Variants in ZNF516 observed in about 807,000 individuals in gnomAD.
The protein encoded by ZNF516 is zinc finger protein 516.
Under a neutral mutation model 79.7 loss-of-function variants are expected in ZNF516, and 19 were observed. That is an observed-to-expected ratio of 0.24 (90% CI 0.17 to 0.35). The LOEUF (loss-of-function observed/expected upper bound fraction) is 0.35, where lower values mean the gene tolerates loss of function less well. Among genes scored for constraint, ZNF516 ranks in the 10% least tolerant of loss-of-function variants. The probability of loss-of-function intolerance (pLI) is 1.00; values close to 1 mark genes in which losing one functional copy is unlikely to be tolerated. For missense variants in ZNF516, 1,678 were observed against 1,679.5 expected (o/e 1.00, Z 0.02); for synonymous variants, 877 against 739.5 (o/e 1.19, Z -3.02).
intron 2 of ZNF516, among the ~76,000 whole-genome samples, chr18:76,457,741 A>G (rs1912816358): frequency 6.6e-6 from 1 of 152,150 alleles, no homozygotes; most frequent in Non-Finnish European, 1.5e-5. Context: ...AAAGAGTGAT[A>G]TGGGGGCAAC....
intron 6 of ZNF516, among the ~76,000 whole-genome samples, chr18:76,369,681 G>A (rs1035747591): frequency 1.1e-4 from 16 of 152,268 alleles, no homozygotes; most frequent in Admixed American, 3.9e-4. Flanking sequence ...ATATTTCAGC[G>A]CAGGGACACA....
At chr18:76,390,088 G>A (rs1456521138) in intron 3 of ZNF516, among the ~76,000 whole-genome samples, 1 of 152,146 alleles carries the variant, frequency 6.6e-6, no homozygotes, top group Non-Finnish European at 1.5e-5. Flanking sequence ...TTGAGTAACT[G>A]GGCTCTTCCT....
chr18:76,376,283 T>G (rs2074785437), intron 4 of ZNF516, among the ~76,000 whole-genome samples: 1 of 152,098 alleles, frequency 6.6e-6, no homozygotes, highest in Non-Finnish European at 1.5e-5. Context: ...CAGGCTGACC[T>G]CAGGTACTCT....
chr18:76,385,782 C>CCCG (rs1555698697), intron 3 of ZNF516: 1 of 151,402 alleles, frequency 6.6e-6, no homozygotes, highest in African/African-American at 2.4e-5. Context: ...CACTGCCCCC[C>CCCG]CCCCGGGAGC....
Position 76,442,706 on chromosome 18 carries a change from G to C in ZNF516, c.349C>G (p.Pro117Ala). 1 of 1,581,210 alleles carries C rather than the reference G, an allele frequency of 6.3e-7. No homozygotes were observed. Among genetic ancestry groups the C allele is most frequent in the African/African-American group, 1.3e-5 (1 of 74,232 alleles). The part of the protein sequence containing the change: ...ASEGLDACAS[P>A]TKSASACNRL... Reference sequence around the variant, plus strand: ...TTGCAGGCCGAGGCGCTCTTGGTGGGGCTGGCGCAGGCGTCCAGGCCCTCG... The same window carrying C: ...TTGCAGGCCGAGGCGCTCTTGGTGGCGCTGGCGCAGGCGTCCAGGCCCTCG... Residue 117 changes from proline to alanine, a missense_variant, in exon 3 of 7, where the codon CCC (proline) becomes GCC (alanine). Transcript: ENST00000443185.
chr18:76,421,519 T>C (rs2075507675), intron 3 of ZNF516, among the ~76,000 whole-genome samples: 1 of 152,192 alleles, frequency 6.6e-6, no homozygotes. Context: ...TTTGCAAAGC[T>C]GCCACCGGGT....
At chr18:76,421,225 T>C (rs1419322173) in intron 3 of ZNF516, among the ~76,000 whole-genome samples, 4 of 152,152 alleles carry the variant, frequency 2.6e-5, no homozygotes, top group African/African-American at 4.8e-5. Flanking sequence ...CTGGTGCATA[T>C]TGGAAAAGGG....
chr18:76,438,606 G>C (rs1408880315), intron 3 of ZNF516, among the ~76,000 whole-genome samples: 1 of 151,988 alleles, frequency 6.6e-6, no homozygotes, highest in Non-Finnish European at 1.5e-5. Context: ...GTCTTATGTG[G>C]GGATAAAAGT....
intron 3 of ZNF516, among the ~76,000 whole-genome samples, chr18:76,403,092 T>C (rs1264609825): frequency 6.6e-6 from 1 of 152,210 alleles, no homozygotes; most frequent in Non-Finnish European, 1.5e-5. Flanking sequence ...ATTTCCATTA[T>C]CATCAATGGC....
intron 1 of ZNF516, among the ~76,000 whole-genome samples, chr18:76,477,882 T>C (rs559395816): frequency 4.6e-5 from 7 of 152,178 alleles, no homozygotes; most frequent in African/African-American, 1.7e-4. Context: ...TTGCTTTGAG[T>C]TACTTCACTC....
In ZNF516 at chr18:76,442,007, A is replaced by G. The variant is rs1224757699; in HGVS notation, c.1048T>C (p.Leu350=). 2.5e-6 allele frequency: 4 copies of G among 1,613,600 alleles called. No individual in the cohort carries two copies. The highest frequency in any genetic ancestry group is 1.7e-5 in the Admixed American group (1 of 60,006). ...CGGTGGATGGCATTGTGGGCGTTCA[A>G]GCTGTCCAGGTTTGTAAACAGGTTC... ...CGNLFTNLDS[L]NAHNAIHRRV... Residue 350 remains leucine (L), a synonymous_variant, in exon 3 of 7, where the codon TTG becomes CTG. Transcript: ENST00000443185.
At chr18:76,485,609 G>C (rs182039707) in intron 1 of ZNF516, among the ~76,000 whole-genome samples, 143 of 152,220 alleles carry the variant, frequency 9.4e-4, no homozygotes, top group African/African-American at 3.3e-3. Flanking sequence ...GTGTCGACTC[G>C]ACAGCCATAC....
intron 1 of ZNF516, chr18:76,487,906 T>C (rs1914922859): frequency 5.1e-6 from 5 of 984,160 alleles, no homozygotes; most frequent in Non-Finnish European, 6.0e-6. Flanking sequence ...GGACTGAGGA[T>C]GAGAGCCCCC....
intron 1 of ZNF516, among the ~76,000 whole-genome samples, chr18:76,468,509 C>T (rs1375620781): frequency 4.0e-5 from 6 of 151,384 alleles, no homozygotes; most frequent in Admixed American, 1.3e-4. Flanking sequence ...CTCGGCCTTC[C>T]GGGCTCAAGC....
intron 3 of ZNF516, among the ~76,000 whole-genome samples, chr18:76,411,270 C>T (rs567588982): frequency 1.3e-5 from 2 of 152,292 alleles, no homozygotes; most frequent in African/African-American, 4.8e-5. Context: ...GTGTACCTTT[C>T]GCAATACCCC....
At chr18:76,453,985 TAAG>T in intron 2 of ZNF516, among the ~76,000 whole-genome samples, 1 of 152,228 alleles carries the variant, frequency 6.6e-6, no homozygotes, top group Non-Finnish European at 1.5e-5. Flanking sequence ...TCTCCCAGTA[TAAG>T]AATACAGATT....
chr18:76,491,213 C>T (rs373503309), intron 1 of ZNF516, among the ~76,000 whole-genome samples: 149 of 150,876 alleles, frequency 9.9e-4, no homozygotes, highest in African/African-American at 3.5e-3. Context: ...CGCGCGGACC[C>T]CCGCCTGCCC....
At chr18:76,400,189 G>C (rs986897798) in intron 3 of ZNF516, among the ~76,000 whole-genome samples, 2 of 152,176 alleles carry the variant, frequency 1.3e-5, no homozygotes, top group Non-Finnish European at 2.9e-5. Flanking sequence ...AGGCCGACTT[G>C]GGGCAGAAGC....
chr18:76,375,362 C>T (rs966758238), intron 4 of ZNF516, among the ~76,000 whole-genome samples: 3 of 151,664 alleles, frequency 2.0e-5, no homozygotes, highest in African/African-American at 7.3e-5. Context: ...ACAGAAGGCC[C>T]CAGAGACCAG....
Sources: gnomAD v4.1 joint callset for allele counts (sites outside exome capture counted in the v4.1 genomes callset) on GRCh38, gnomAD v4.1.1 for gene constraint, MANE v1.5 for transcripts, NCBI Gene and HGNC (gene_info 2026-07-23, HGNC 2026-07-21) for gene names.